PLA2G4A: variants seen among roughly 807,000 people sequenced by gnomAD.
PLA2G4A encodes the protein phospholipase A2 group IVA.
In PLA2G4A, 40 loss-of-function variants were observed where a neutral mutation model predicts 81.9. The ratio of observed to expected loss-of-function variants is 0.49; its 90% CI spans 0.38 to 0.64. The LOEUF (loss-of-function observed/expected upper bound fraction) is 0.64, where lower values mean the gene tolerates loss of function less well. PLA2G4A is among the 30% of genes least tolerant of loss of function. The pLI, the probability that PLA2G4A is intolerant of heterozygous loss-of-function variation, is 0.00. For missense variants in PLA2G4A, 715 were observed against 905.1 expected, an observed-to-expected ratio of 0.79 and a Z score of 2.69; for synonymous variants, 302 against 296.9, an observed-to-expected ratio of 1.02 and a Z score of -0.18.
At chr1:186,878,570 T>A (rs775952083) in intron 3 of PLA2G4A, among the ~76,000 whole-genome samples, 17 of 151,804 alleles carry the variant, frequency 1.1e-4, no homozygotes, top group Non-Finnish European at 2.5e-4. Context: ...CTCTCTCACA[T>A]CTCTTATCTT....
At chr1:186,903,210 A>C (rs1377587884) in intron 5 of PLA2G4A, among the ~76,000 whole-genome samples, 1 of 152,214 alleles carries the variant, frequency 6.6e-6, no homozygotes, top group Non-Finnish European at 1.5e-5. Context: ...GATTGAATCA[A>C]TATGATGATT....
chr1:186,850,375 T>C (rs570278297), intron 1 of PLA2G4A, among the ~76,000 whole-genome samples: 141 of 152,278 alleles, frequency 9.3e-4, no homozygotes, highest in Non-Finnish European at 1.6e-3. Flanking sequence ...CCCAGAAGAA[T>C]AGGTTTTAAG....
At chr1:186,980,452 T>C (rs1174061700) in intron 17 of PLA2G4A, among the ~76,000 whole-genome samples, 1 of 152,200 alleles carries the variant, frequency 6.6e-6, no homozygotes, top group Non-Finnish European at 1.5e-5. Context: ...GTCTGACAAA[T>C]GATTATCAGT....
chr1:186,832,601 C>T lies in PLA2G4A; in HGVS notation c.-70+3566C>T, dbSNP rs74137518. 9.3e-3 allele frequency among the ~76,000 whole-genome samples: 1,420 copies of T among 152,180 alleles called. 24 individuals are homozygous for T. Among genetic ancestry groups the T allele is most frequent in the African/African-American group, 0.033 (1,358 of 41,546 alleles). ...TCCAACAACTTGGATAATTGATATA[C>T]GAAAATAGTATCTTGTTTAAATTTA... is the stretch of plus-strand genomic sequence containing the variant. On this transcript the variant is annotated intron_variant, in intron 1 of 17. Transcript: ENST00000367466.
At chr1:186,912,130 C>T (rs1558429200) in intron 7 of PLA2G4A, among the ~76,000 whole-genome samples, 1 of 152,170 alleles carries the variant, frequency 6.6e-6, no homozygotes, top group Non-Finnish European at 1.5e-5. Flanking sequence ...TGCTGATTCA[C>T]TTGTTTTTCT....
chr1:186,955,032 C>T (rs1254719819), intron 13 of PLA2G4A, among the ~76,000 whole-genome samples: 1 of 152,088 alleles, frequency 6.6e-6, no homozygotes, highest in African/African-American at 2.4e-5. Context: ...GGGAAAGTAA[C>T]TAGAAAATAG....
At chr1:186,950,086 G>T (rs1389182232) in intron 12 of PLA2G4A, among the ~76,000 whole-genome samples, 1 of 152,094 alleles carries the variant, frequency 6.6e-6, no homozygotes, top group African/African-American at 2.4e-5. Flanking sequence ...TTTGTTTTAA[G>T]GATTTCTGGT....
At chr1:186,920,092 G>A (rs569799960) in intron 7 of PLA2G4A, among the ~76,000 whole-genome samples, 1 of 152,300 alleles carries the variant, frequency 6.6e-6, no homozygotes, top group African/African-American at 2.4e-5. Flanking sequence ...CCATACTTGG[G>A]CCATTGCTTA....
At chr1:186,902,738 C>T (rs1558419043) in intron 5 of PLA2G4A, among the ~76,000 whole-genome samples, 1 of 151,812 alleles carries the variant, frequency 6.6e-6, no homozygotes, top group African/African-American at 2.4e-5. Context: ...CACAAGAGAA[C>T]AATCCTCTTT....
At chr1:186,859,381 T>C (rs1415506866) in intron 2 of PLA2G4A, among the ~76,000 whole-genome samples, 1 of 152,192 alleles carries the variant, frequency 6.6e-6, no homozygotes, top group Non-Finnish European at 1.5e-5. Flanking sequence ...TGAAGTTTTT[T>C]ATTTTTTTGA....
chr1:186,938,989 T>C lies in PLA2G4A; in HGVS notation c.696-19T>C. ...TAATGCTCTTTATCTTTACTGATTG[T>C]GTTTTGTTTTCTGTATAGGTATATG... On this transcript the variant is annotated intron_variant, in intron 8 of 17. Transcript: ENST00000367466. The C allele has an allele frequency of 8.3e-7, 1 of 1,210,334 alleles. No individual in the cohort carries two copies. The highest frequency in any genetic ancestry group is 1.2e-6 in the Non-Finnish European group (1 of 811,752). The allele number at this position is 1,210,334 out of a possible 1,614,324, so 75.0% of individuals were successfully genotyped here. A position where few individuals can be genotyped will look rare whatever the true frequency, so the allele number is the denominator to read the frequency against.
Position 186,911,258 on chromosome 1 carries a change from G to T in PLA2G4A, c.427G>T (p.Asp143Tyr). Residue 143 changes from aspartate (D) to tyrosine (Y), a missense_variant, in exon 7 of 18, where the codon GAC becomes TAC. Transcript: ENST00000367466. ...TGTTTGGTATTACAGCTCATGCCCA[G>T]ACCTACGATTTAGTATGGCTCTGTG... ...EMSLEVCSCP[D>Y]LRFSMALCDQ... 6.2e-7 allele frequency: 1 copy of T among 1,613,488 alleles called. No individual in the cohort carries two copies. Among genetic ancestry groups the T allele is most frequent in the South Asian group, 1.1e-5 (1 of 91,056 alleles).
intron 3 of PLA2G4A, among the ~76,000 whole-genome samples, chr1:186,873,612 C>T (rs180942881): frequency 5.9e-4 from 89 of 152,116 alleles, no homozygotes; most frequent in Middle Eastern, 6.8e-3. Flanking sequence ...TTCATATCTC[C>T]TTTTAAAGAG....
In PLA2G4A at chr1:186,913,702, G is replaced by A. The variant is rs79378070; in HGVS notation, c.558+2313G>A. On this transcript the variant is annotated intron_variant, in intron 7 of 17. Transcript: ENST00000367466. Reference sequence around the variant, plus strand: ...CTTGTACACTCTTGAATTATTTCTCGTAGGAATTAATTTCATTAAGTTTTT... The same window carrying A: ...CTTGTACACTCTTGAATTATTTCTCATAGGAATTAATTTCATTAAGTTTTT... 9.3e-4 allele frequency among the ~76,000 whole-genome samples: 141 copies of A among 152,066 alleles called. 3 individuals are homozygous for A. In the East Asian group the frequency reaches 0.021, roughly 23 times the overall value.
At chr1:186,934,728 G>T (rs1655880490) in intron 8 of PLA2G4A, among the ~76,000 whole-genome samples, 1 of 151,856 alleles carries the variant, frequency 6.6e-6, no homozygotes, top group South Asian at 2.1e-4. Flanking sequence ...CTCAGTGTAT[G>T]TGGTGTAGGG....
At chr1:186,830,960 TTCTTTC>T (rs1235306524) in intron 1 of PLA2G4A, among the ~76,000 whole-genome samples, 1 of 33,742 alleles carries the variant, frequency 3.0e-5, no homozygotes, top group Non-Finnish European at 6.3e-5. Context: ...CTTGCTTGCT[TTCTTTC>T]TTTCTTTCTT....
intron 1 of PLA2G4A, among the ~76,000 whole-genome samples, chr1:186,849,772 G>A (rs1652309639): frequency 6.6e-6 from 1 of 151,798 alleles, no homozygotes; most frequent in Non-Finnish European, 1.5e-5. Flanking sequence ...TGGATTCCTT[G>A]TTTTCTGATT....
intron 1 of PLA2G4A, among the ~76,000 whole-genome samples, chr1:186,852,472 A>T (rs1225616895): frequency 2.0e-5 from 3 of 152,062 alleles, no homozygotes; most frequent in African/African-American, 7.2e-5. Context: ...TAATAAAGTG[A>T]ACAAATTTAT....
intron 13 of PLA2G4A, among the ~76,000 whole-genome samples, chr1:186,953,252 TG>T (rs1230645910): frequency 1.3e-5 from 2 of 152,218 alleles, no homozygotes; most frequent in Non-Finnish European, 2.9e-5. Flanking sequence ...CTTTGGATAT[TG>T]GTCATTCTAA....
Sources: gnomAD v4.1 joint callset for allele counts (sites outside exome capture counted in the v4.1 genomes callset) on GRCh38, gnomAD v4.1.1 for gene constraint, MANE v1.5 for transcripts, NCBI Gene and HGNC (gene_info 2026-07-23, HGNC 2026-07-21) for gene names.